BACH2: variants seen among roughly 807,000 people sequenced by gnomAD.
BACH2 encodes BACH transcriptional regulator 2, also known as transcription regulator protein BACH2.
In BACH2, 5 loss-of-function variants were observed where a neutral mutation model predicts 61.8. The observed-to-expected ratio is 0.08, with a 90% CI of 0.04 to 0.17. The LOEUF (loss-of-function observed/expected upper bound fraction) is 0.17. Ranked by LOEUF, BACH2 falls within the 10% of genes least tolerant of loss-of-function variation. The probability of loss-of-function intolerance (pLI) is 1.00; values close to 1 mark genes in which losing one functional copy is unlikely to be tolerated. For missense variants in BACH2, 824 were observed against 1,091.1 expected (o/e 0.76, Z 3.45); for synonymous variants, 446 against 440.1 (o/e 1.01, Z -0.17).
At chr6:90,036,358 CT>C (rs1779262617) in intron 5 of BACH2, among the ~76,000 whole-genome samples, 1 of 152,028 alleles carries the variant, frequency 6.6e-6, no homozygotes, top group Non-Finnish European at 1.5e-5. Flanking sequence ...ATATTGTTCC[CT>C]TGTTAAAGTA....
At chr6:90,244,779 C>G (rs986549504) in intron 3 of BACH2, among the ~76,000 whole-genome samples, 2 of 152,220 alleles carry the variant, frequency 1.3e-5, no homozygotes, top group African/African-American at 2.4e-5. Context: ...TCTATTGCCC[C>G]CTCTGAGCCA....
At chr6:89,941,651 G>C (rs1457021223) in intron 7 of BACH2, among the ~76,000 whole-genome samples, 3 of 152,208 alleles carry the variant, frequency 2.0e-5, no homozygotes, top group Non-Finnish European at 4.4e-5. Context: ...ATCCTGCACG[G>C]TGTCTCCGGA....
intron 6 of BACH2, among the ~76,000 whole-genome samples, chr6:89,974,714 G>A (rs968343084): frequency 1.3e-5 from 2 of 152,154 alleles, no homozygotes; most frequent in African/African-American, 2.4e-5. Flanking sequence ...TATCTTTTTC[G>A]TGGGACAAGG....
intron 1 of BACH2, among the ~76,000 whole-genome samples, chr6:90,277,933 A>C (rs188536318): frequency 2.2e-4 from 33 of 152,374 alleles, no homozygotes; most frequent in African/African-American, 7.5e-4. Context: ...AGAAGCCTTT[A>C]AAGTTACATG....
intron 3 of BACH2, among the ~76,000 whole-genome samples, chr6:90,227,012 G>A (rs1043159507): frequency 6.6e-6 from 1 of 152,192 alleles, no homozygotes. Context: ...GGCCATCAAG[G>A]AATGTGCGTG....
chr6:89,944,231 C>A (rs1014516963), intron 7 of BACH2, among the ~76,000 whole-genome samples: 2 of 152,194 alleles, frequency 1.3e-5, no homozygotes, highest in Non-Finnish European at 2.9e-5. Context: ...ATAACGCCTG[C>A]CCTACTTAGC....
chr6:90,042,158 A>G (rs1779566931), intron 5 of BACH2, among the ~76,000 whole-genome samples: 1 of 152,160 alleles, frequency 6.6e-6, no homozygotes, highest in Non-Finnish European at 1.5e-5. Context: ...AAAGGAACCC[A>G]GCAGTAAGTC....
intron 1 of BACH2, among the ~76,000 whole-genome samples, chr6:90,280,402 A>C (rs141093025): frequency 6.6e-6 from 1 of 152,222 alleles, no homozygotes; most frequent in Non-Finnish European, 1.5e-5. Flanking sequence ...AAACTGGACA[A>C]ATCCATTTAA....
chr6:90,202,958 G>A (rs1769005402), intron 4 of BACH2, among the ~76,000 whole-genome samples: 1 of 152,140 alleles, frequency 6.6e-6, no homozygotes, highest in Admixed American at 6.5e-5. Context: ...GTGACACACT[G>A]AAATCCTTTC....
At chr6:90,294,742 C>G (rs866428681) in intron 1 of BACH2, among the ~76,000 whole-genome samples, 3 of 152,194 alleles carry the variant, frequency 2.0e-5, no homozygotes, top group Non-Finnish European at 2.9e-5. Context: ...ACGCCCGCTG[C>G]CTTACCAAAA....
chr6:90,097,686 T>A (rs1221234754), intron 4 of BACH2, among the ~76,000 whole-genome samples: 2 of 152,180 alleles, frequency 1.3e-5, no homozygotes, highest in Non-Finnish European at 2.9e-5. Context: ...AACGTACAAT[T>A]TACCACTTTA....
chr6:90,197,059 C>T (rs113877660), intron 4 of BACH2, among the ~76,000 whole-genome samples: 1 of 152,226 alleles, frequency 6.6e-6, no homozygotes, highest in African/African-American at 2.4e-5. Context: ...AATTTTATCA[C>T]ACAGTATGAA....
At chr6:90,159,961 T>C (rs1205156762) in intron 4 of BACH2, among the ~76,000 whole-genome samples, 1 of 152,208 alleles carries the variant, frequency 6.6e-6, no homozygotes, top group Non-Finnish European at 1.5e-5. Context: ...GAATCATAAT[T>C]TTTTTCAACG....
chr6:90,274,642 T>C (rs1044543409), intron 1 of BACH2, among the ~76,000 whole-genome samples: 5 of 152,168 alleles, frequency 3.3e-5, no homozygotes, highest in Admixed American at 6.5e-5. Context: ...AGCTGCATCT[T>C]TGCAGCCACA....
intron 7 of BACH2, among the ~76,000 whole-genome samples, chr6:89,944,670 C>G (rs925931379): frequency 2.2e-4 from 34 of 152,004 alleles, no homozygotes; most frequent in Non-Finnish European, 4.0e-4. Context: ...GACTTTATCT[C>G]TCTCTTCCCT....
chr6:89,955,462 C>A (rs1478196384), intron 6 of BACH2, among the ~76,000 whole-genome samples: 1 of 152,128 alleles, frequency 6.6e-6, no homozygotes, highest in African/African-American at 2.4e-5. Context: ...CAAGGGGGCC[C>A]CTTGAACACT....
chr6:89,936,726 A>G (rs913744730), intron 8 of BACH2, among the ~76,000 whole-genome samples: 3 of 152,104 alleles, frequency 2.0e-5, no homozygotes, highest in Non-Finnish European at 4.4e-5. Context: ...AACAACAACA[A>G]CAATAACAAA....
chr6:89,999,407 C>A (rs1010967202), intron 6 of BACH2, among the ~76,000 whole-genome samples: 1 of 151,122 alleles, frequency 6.6e-6, no homozygotes, highest in Non-Finnish European at 1.5e-5. Flanking sequence ...GCGTGACCTA[C>A]AATACCCTTG....
chr6:90,181,723 C>G (rs1400990072), intron 4 of BACH2, among the ~76,000 whole-genome samples: 1 of 152,070 alleles, frequency 6.6e-6, no homozygotes, highest in Non-Finnish European at 1.5e-5. Flanking sequence ...CTGGGACCAG[C>G]TACGGCACCA....
Sources: allele counts gnomAD v4.1 joint callset (sites outside exome capture counted in the v4.1 genomes callset), GRCh38; gene constraint gnomAD v4.1.1; transcripts MANE v1.5; gene names NCBI Gene and HGNC (gene_info 2026-07-23, HGNC 2026-07-21).